WWOX: variants seen among roughly 807,000 people sequenced by gnomAD.
The protein encoded by WWOX is WW domain containing oxidoreductase.
In WWOX, 69 loss-of-function variants were observed where a neutral mutation model predicts 46.2. The observed-to-expected ratio is 1.49, with a 90% confidence interval of 1.23 to 1.82. WWOX has a LOEUF of 1.82. WWOX is among the 40% of genes most tolerant of loss of function. WWOX has a pLI of 0.00. For synonymous variants in WWOX, 359 were observed against 202.6 expected (o/e 1.77, Z -6.56); for missense variants, 919 against 542.6 (o/e 1.69, Z -6.89).
chr16:78,390,553 A>G (rs867785987), intron 6 of WWOX, among the ~76,000 whole-genome samples: 3 of 152,214 alleles, frequency 2.0e-5, no homozygotes, highest in South Asian at 2.1e-4. Flanking sequence ...TACATGGCTT[A>G]GAGAAATACT....
chr16:79,039,706 G>C (rs1432423360), intron 8 of WWOX, among the ~76,000 whole-genome samples: 1 of 152,150 alleles, frequency 6.6e-6, no homozygotes, highest in Non-Finnish European at 1.5e-5. Context: ...GGAGGAGCAG[G>C]GTGATGCTAG....
chr16:78,445,931 C>T (rs963032107), intron 8 of WWOX, among the ~76,000 whole-genome samples: 4 of 152,014 alleles, frequency 2.6e-5, no homozygotes, highest in Admixed American at 6.6e-5. Flanking sequence ...GCTTTACTTA[C>T]GTTTTTGATG....
chr16:78,968,307 C>G (rs1006877983), intron 8 of WWOX, among the ~76,000 whole-genome samples: 1 of 152,192 alleles, frequency 6.6e-6, no homozygotes, highest in Non-Finnish European at 1.5e-5. Context: ...AGGAATCCAA[C>G]AGGGAACTGT....
chr16:78,921,137 G>A (rs763096375), intron 8 of WWOX, among the ~76,000 whole-genome samples: 4 of 151,958 alleles, frequency 2.6e-5, no homozygotes, highest in Admixed American at 6.6e-5. Context: ...GAAGAATGGC[G>A]CTCTTTAAAA....
intron 8 of WWOX, among the ~76,000 whole-genome samples, chr16:78,831,610 G>A (rs530988441): frequency 6.6e-6 from 1 of 152,204 alleles, no homozygotes; most frequent in Admixed American, 6.5e-5. Flanking sequence ...TCCTTAGGTG[G>A]GTCACTCAGT....
intron 8 of WWOX, among the ~76,000 whole-genome samples, chr16:78,611,228 A>G (rs376930806): frequency 6.6e-6 from 1 of 152,142 alleles, no homozygotes; most frequent in Admixed American, 6.5e-5. Context: ...TCATTTCGTG[A>G]GACTTTTGGT....
At chr16:78,754,960 T>C (rs959491549) in intron 8 of WWOX, among the ~76,000 whole-genome samples, 8 of 151,622 alleles carry the variant, frequency 5.3e-5, no homozygotes, top group Non-Finnish European at 1.2e-4. Flanking sequence ...GAGCCAGCCA[T>C]TTATACTATT....
intron 1 of WWOX, among the ~76,000 whole-genome samples, chr16:78,103,235 C>T (rs1285910100): frequency 1.5e-5 from 2 of 137,666 alleles, no homozygotes; most frequent in East Asian, 2.4e-4. Flanking sequence ...GCCTCTCTGG[C>T]TCCGCTGTTT....
At chr16:78,643,285 T>C (rs1426007220) in intron 8 of WWOX, among the ~76,000 whole-genome samples, 1 of 152,216 alleles carries the variant, frequency 6.6e-6, no homozygotes, top group Non-Finnish European at 1.5e-5. Context: ...GTGCCAAGCA[T>C]AGTCATATTT....
At chr16:78,634,681 G>C (rs1054299488) in intron 8 of WWOX, among the ~76,000 whole-genome samples, 1 of 150,240 alleles carries the variant, frequency 6.7e-6, no homozygotes, top group African/African-American at 2.5e-5. Context: ...ACTCCAGCCT[G>C]GGTGACAGAG....
At chr16:79,125,761 G>A (rs546987529) in intron 8 of WWOX, among the ~76,000 whole-genome samples, 31 of 152,142 alleles carry the variant, frequency 2.0e-4, no homozygotes, top group Non-Finnish European at 4.0e-4. Flanking sequence ...ATTTAATATG[G>A]GTTCTTTGGA....
chr16:79,170,694 C>G (rs1281615902), intron 8 of WWOX, among the ~76,000 whole-genome samples: 1 of 151,952 alleles, frequency 6.6e-6, no homozygotes, highest in Non-Finnish European at 1.5e-5. Context: ...TAAATGCGCT[C>G]TTTAAGATGT....
chr16:78,560,454 C>A (rs2044409091), intron 8 of WWOX, among the ~76,000 whole-genome samples: 2 of 152,046 alleles, frequency 1.3e-5, no homozygotes, highest in South Asian at 2.1e-4. Flanking sequence ...ACCAGCCTGG[C>A]CAACATGGTG....
At chr16:78,151,335 A>G (rs1282468858) in intron 4 of WWOX, among the ~76,000 whole-genome samples, 1 of 152,186 alleles carries the variant, frequency 6.6e-6, no homozygotes, top group Non-Finnish European at 1.5e-5. Context: ...TCAGGCTACC[A>G]TGCCCATTGG....
intron 8 of WWOX, among the ~76,000 whole-genome samples, chr16:78,647,809 C>G (rs1395915617): frequency 2.0e-5 from 3 of 152,198 alleles, no homozygotes; most frequent in Non-Finnish European, 4.4e-5. Flanking sequence ...AACGTGTTAG[C>G]TAAGTCTGGT....
Position 78,350,608 on chromosome 16 carries a change from T to A in WWOX, c.517-36252T>A, listed in dbSNP as rs555036367. On this transcript the variant is annotated intron_variant, in intron 5 of 8. Transcript: ENST00000566780. ...ACACTTAGCATCATGTTTTCAAGGG[T>A]CATTCATGTTGTAGCATGTATCAGT... Among the ~76,000 whole-genome samples the A allele has an allele frequency of 1.6e-5, 2 of 121,390 alleles. 1 individual carries two copies. 79.6% of individuals were successfully genotyped at this position (121,390 alleles called of 152,430 possible).
rs375689298 is a variant in WWOX, at chr16:78,207,741, G to A, written c.516+43452G>A. On this transcript the variant is annotated intron_variant, in intron 5 of 8. Coordinates refer to ENST00000566780, the MANE Select transcript of WWOX (RefSeq NM_016373.4). Reference sequence around the variant, plus strand: ...GTGCCACTGCATTTTCAGCCTGGGTGACAGAGGAAGACCCTATTACAAAAA... The same window carrying A: ...GTGCCACTGCATTTTCAGCCTGGGTAACAGAGGAAGACCCTATTACAAAAA... 7.1e-5 allele frequency among the ~76,000 whole-genome samples: 10 copies of A among 140,992 alleles called. No homozygotes were observed. The East Asian group carries it at 1.9e-3, about 27-fold the overall frequency. 92.5% of individuals were successfully genotyped at this position (140,992 alleles called of 152,430 possible). A position where few individuals can be genotyped will look rare whatever the true frequency, so the allele number is the denominator to read the frequency against.
Position 78,349,293 on chromosome 16 carries a change from C to A in WWOX, c.517-37567C>A, listed in dbSNP as rs866758991. Among the ~76,000 whole-genome samples, 3 of 120,368 alleles carry A rather than the reference C, an allele frequency of 2.5e-5. 1 individual carries two copies. Among genetic ancestry groups the A allele is most frequent in the Admixed American group, 2.4e-4 (3 of 12,384 alleles). The allele number at this position is 120,368 out of a possible 152,430, so 79.0% of individuals were successfully genotyped here. A position where few individuals can be genotyped will look rare whatever the true frequency, so the allele number is the denominator to read the frequency against. On this transcript the variant is annotated intron_variant, in intron 5 of 8. Transcript: ENST00000566780. ...GATAGCCTCATTTTTTACATAATCA[C>A]CTCTTTATAGGCCGTACCTCCAAAT...
chr16:78,934,243 C>G (rs1226477652), intron 8 of WWOX, among the ~76,000 whole-genome samples: 1 of 149,448 alleles, frequency 6.7e-6, no homozygotes, highest in South Asian at 2.1e-4. Flanking sequence ...GAGGCTGAGG[C>G]AGGAGAATGG....
Sources: gnomAD v4.1 joint callset for allele counts (sites outside exome capture counted in the v4.1 genomes callset) on GRCh38, gnomAD v4.1.1 for gene constraint, MANE v1.5 for transcripts, NCBI Gene and HGNC (gene_info 2026-07-23, HGNC 2026-07-21) for gene names.